RNF220: variants seen among roughly 807,000 people sequenced by gnomAD.
The protein encoded by RNF220 is ring finger protein 220.
Under a neutral mutation model 67.1 loss-of-function variants are expected in RNF220, and 7 were observed. That is an observed-to-expected ratio of 0.10 (90% CI 0.06 to 0.20). The LOEUF is 0.20. Ranked by LOEUF, RNF220 falls within the 10% of genes least tolerant of loss-of-function variation. The pLI, the probability that RNF220 is intolerant of heterozygous loss-of-function variation, is 1.00. For synonymous variants in RNF220, 270 were observed against 283.2 expected (o/e 0.95, Z 0.47); for missense variants, 565 against 740.3 (o/e 0.76, Z 2.75).
chr1:44,572,125 T>C (rs777309073), intron 2 of RNF220, among the ~76,000 whole-genome samples: 1 of 152,242 alleles, frequency 6.6e-6, no homozygotes, highest in Non-Finnish European at 1.5e-5. Flanking sequence ...TCAGAGATAA[T>C]ATCCAGGCTT....
intron 2 of RNF220, among the ~76,000 whole-genome samples, chr1:44,498,740 G>A (rs565946667): frequency 2.2e-4 from 33 of 152,252 alleles, no homozygotes; most frequent in South Asian, 4.1e-4. Context: ...AACATGGATC[G>A]CTGGGCCCCA....
Position 44,488,727 on chromosome 1 carries a change from CTTTT to C in RNF220, c.625+76023_625+76026del, listed in dbSNP as rs55968850. On this transcript the variant is annotated intron_variant, in intron 2 of 14. Coordinates refer to ENST00000361799, the MANE Select transcript of RNF220 (RefSeq NM_018150.4). ...CTTAGCCTTTTTCTTTTTCTTTTTT[CTTTT>C]TTTTTTTTTTTTTTTTTGAGACGGA... is the stretch of plus-strand genomic sequence containing the variant. Among the ~76,000 whole-genome samples the C allele has an allele frequency of 2.3e-3, 235 of 102,546 alleles. 1 individual carries two copies. Among genetic ancestry groups the C allele is most frequent in the African/African-American group, 8.1e-3 (225 of 27,742 alleles). The allele number at this position is 102,546 out of a possible 152,430, so 67.3% of individuals were successfully genotyped here. A position where few individuals can be genotyped will look rare whatever the true frequency, so the allele number is the denominator to read the frequency against.
intron 2 of RNF220, chr1:44,423,962 T>C (rs776502575): frequency 1.1e-5 from 11 of 985,444 alleles, no homozygotes; most frequent in Non-Finnish European, 1.3e-5. Context: ...GCGGGGCCTC[T>C]GTACTCCACC....
chr1:44,630,774 A>G (rs1456207991), intron 5 of RNF220, among the ~76,000 whole-genome samples: 2 of 152,242 alleles, frequency 1.3e-5, no homozygotes, highest in African/African-American at 4.8e-5. Flanking sequence ...TGGAGTGCTC[A>G]AAGAGCTAGT....
chr1:44,489,333 A>T (rs1364509692), intron 2 of RNF220, among the ~76,000 whole-genome samples: 1 of 152,238 alleles, frequency 6.6e-6, no homozygotes, highest in Non-Finnish European at 1.5e-5. Context: ...GAGATAATAC[A>T]CATTTCCGTA....
At chr1:44,449,515 G>A (rs1652450618) in intron 2 of RNF220, among the ~76,000 whole-genome samples, 1 of 152,016 alleles carries the variant, frequency 6.6e-6, no homozygotes, top group Admixed American at 6.6e-5. Flanking sequence ...CTGGGCTCTG[G>A]TGATCCACCT....
intron 2 of RNF220, among the ~76,000 whole-genome samples, chr1:44,552,477 C>T (rs929588703): frequency 4.0e-5 from 6 of 150,698 alleles, no homozygotes; most frequent in Admixed American, 6.6e-5. Context: ...GCCTGGGCAA[C>T]AGAGCAAGAC....
intron 2 of RNF220, among the ~76,000 whole-genome samples, chr1:44,503,333 C>CAA (rs34103792): frequency 0.35 from 29,468 of 84,378 alleles, 4,463 homozygotes; most frequent in Non-Finnish European, 0.4. Context: ...GATGCTGTCT[C>CAA]AAAAAAAAAA....
At chr1:44,464,195 A>G (rs1204085535) in intron 2 of RNF220, among the ~76,000 whole-genome samples, 1 of 152,332 alleles carries the variant, frequency 6.6e-6, no homozygotes, top group African/African-American at 2.4e-5. Context: ...TGATGGATGT[A>G]TATTTCTTGA....
At chr1:44,576,743 A>T (rs1324678456) in intron 2 of RNF220, among the ~76,000 whole-genome samples, 2 of 152,228 alleles carry the variant, frequency 1.3e-5, no homozygotes, top group Non-Finnish European at 2.9e-5. Flanking sequence ...AGCTGAGTAA[A>T]CAAAGAGGGA....
In RNF220 at chr1:44,555,940, T is replaced by A. The variant is rs924614186; in HGVS notation, c.626-58225T>A. On this transcript the variant is annotated intron_variant, in intron 2 of 14. Transcript: ENST00000361799. ...GCCTTCCTTGATGTCGTTAATTGTCTCCTCCTTTGTGCCCCTACCCAGAAT... is the reference window on the plus strand; with the variant it reads ...GCCTTCCTTGATGTCGTTAATTGTCACCTCCTTTGTGCCCCTACCCAGAAT... Among the ~76,000 whole-genome samples the A allele has an allele frequency of 2.0e-5, 3 of 150,644 alleles. 1 individual carries two copies. Among genetic ancestry groups the A allele is most frequent in the African/African-American group, 7.5e-5 (3 of 40,194 alleles).
rs1348783680 is a variant in RNF220 at position 44,478,905 on chromosome 1, ACCTT to A, written c.625+66188_625+66191del. Among the ~76,000 whole-genome samples the A allele has an allele frequency of 3.2e-4, 48 of 152,078 alleles. 1 individual carries two copies. Among genetic ancestry groups the A allele is most frequent in the Admixed American group, 3.1e-3 (48 of 15,270 alleles). On this transcript the variant is annotated intron_variant, in intron 2 of 14. Transcript: ENST00000361799. ...GGCTGTTGGTGCACTCCTCTGGAAG[ACCTT>A]CCTTTTCTATCATCCTTGGACATCA...
chr1:44,639,974 G>C (rs1644440191), intron 8 of RNF220, among the ~76,000 whole-genome samples: 1 of 152,180 alleles, frequency 6.6e-6, no homozygotes, highest in Non-Finnish European at 1.5e-5. Context: ...ATTTTTAGTA[G>C]AGACGGGGTT....
chr1:44,646,714 G>T (rs1301286237), intron 12 of RNF220, among the ~76,000 whole-genome samples: 1 of 152,170 alleles, frequency 6.6e-6, no homozygotes, highest in Non-Finnish European at 1.5e-5. Context: ...AGGCTGGGGG[G>T]AGCCAGGATT....
At chr1:44,550,106 A>G (rs1662506791) in intron 2 of RNF220, among the ~76,000 whole-genome samples, 1 of 152,220 alleles carries the variant, frequency 6.6e-6, no homozygotes. Flanking sequence ...CAATTGCCCA[A>G]AGGGATAGAA....
At chr1:44,527,714 G>T (rs199260) in intron 2 of RNF220, among the ~76,000 whole-genome samples, 46,566 of 151,406 alleles carry the variant, frequency 0.31, 8,754 homozygotes, top group African/African-American at 0.53. Flanking sequence ...TCATCTGAGG[G>T]CAGGAGTTCG....
At chr1:44,430,997 A>G (rs529775405) in intron 2 of RNF220, among the ~76,000 whole-genome samples, 20 of 152,300 alleles carry the variant, frequency 1.3e-4, no homozygotes, top group Admixed American at 6.5e-4. Flanking sequence ...ATTTCTTCCA[A>G]ATGGTCAAGT....
chr1:44,632,252 G>C, intron 5 of RNF220, 91 bp from the exon 6 acceptor site: 1 of 1,613,358 alleles, frequency 6.2e-7, no homozygotes, highest in Non-Finnish European at 8.5e-7. Flanking sequence ...AGCTTTGGTC[G>C]GGGGTCCGGT....
intron 2 of RNF220, among the ~76,000 whole-genome samples, chr1:44,578,904 G>C (rs1321596144): frequency 6.6e-6 from 1 of 152,128 alleles, no homozygotes; most frequent in South Asian, 2.1e-4. Context: ...GGTGGCTCAC[G>C]CCTGTAATCC....
Sources: allele counts gnomAD v4.1 joint callset (sites outside exome capture counted in the v4.1 genomes callset), GRCh38; gene constraint gnomAD v4.1.1; transcripts MANE v1.5; gene names NCBI Gene and HGNC (gene_info 2026-07-23, HGNC 2026-07-21).